Variants in CACNA1C observed in about 807,000 individuals in gnomAD.
CACNA1C encodes the protein voltage-dependent L-type calcium channel subunit alpha-1C.
In CACNA1C, 30 loss-of-function variants were observed where a neutral mutation model predicts 229.0. The ratio of observed to expected loss-of-function variants is 0.13; its 90% CI spans 0.10 to 0.18. CACNA1C has a LOEUF of 0.18. CACNA1C is among the 10% of genes least tolerant of loss of function. CACNA1C has a pLI of 1.00. For missense variants in CACNA1C, 1,658 were observed against 2,845.0 expected (o/e 0.58, Z 9.49); for synonymous variants, 1,114 against 1,132.5 (o/e 0.98, Z 0.33).
In CACNA1C at chr12:2,321,741, G is replaced by T. The variant is rs2096009570; in HGVS notation, c.478-127235G>T. On this transcript the variant is annotated intron_variant, in intron 3 of 46. Transcript: ENST00000399655. ...ACATTTGAGCCGAGACTTGAATGAG[G>T]ATGAAGTCCTAGCCATGTGAAGATC... Among the ~76,000 whole-genome samples, 2 of 152,204 alleles carry T rather than the reference G, an allele frequency of 1.3e-5. 1 individual carries two copies. The highest frequency in any genetic ancestry group is 4.1e-4 in the South Asian group (2 of 4,832).
At chr12:2,526,044 G>C (rs1321095005) in intron 9 of CACNA1C, among the ~76,000 whole-genome samples, 2 of 152,192 alleles carry the variant, frequency 1.3e-5, no homozygotes, top group African/African-American at 4.8e-5. Flanking sequence ...GTTAGGCTGG[G>C]GTGAGGGTCA....
At chr12:2,238,627 T>C (rs2068488365) in intron 3 of CACNA1C, among the ~76,000 whole-genome samples, 1 of 152,222 alleles carries the variant, frequency 6.6e-6, no homozygotes, top group Non-Finnish European at 1.5e-5. Flanking sequence ...AAGTGCCCTC[T>C]GAGAAGAGGA....
chr12:2,489,228 TC>T (rs2099708441), intron 6 of CACNA1C, among the ~76,000 whole-genome samples: 3 of 152,222 alleles, frequency 2.0e-5, no homozygotes, highest in Admixed American at 6.5e-5. Flanking sequence ...GAGATTTACA[TC>T]AAATTCTTTT....
At chr12:2,096,964 T>C (rs1409138757) in intron 1 of CACNA1C, among the ~76,000 whole-genome samples, 1 of 152,222 alleles carries the variant, frequency 6.6e-6, no homozygotes, top group Non-Finnish European at 1.5e-5. Flanking sequence ...CACACTATGT[T>C]TGCCCATCCA....
chr12:2,419,989 G>A (rs971310328), intron 3 of CACNA1C, among the ~76,000 whole-genome samples: 9 of 152,124 alleles, frequency 5.9e-5, no homozygotes, highest in African/African-American at 1.7e-4. Context: ...TGCACTTTCA[G>A]CCTTGCTCTG....
intron 1 of CACNA1C, among the ~76,000 whole-genome samples, chr12:2,106,619 G>A (rs1481612975): frequency 2.8e-5 from 3 of 105,794 alleles, no homozygotes; most frequent in Non-Finnish European, 6.2e-5. Context: ...CCTCAGCTGG[G>A]CATCCTGAAG....
chr12:2,565,275 T>C (rs990121873), intron 11 of CACNA1C, among the ~76,000 whole-genome samples: 5 of 151,538 alleles, frequency 3.3e-5, no homozygotes, highest in African/African-American at 9.7e-5. Flanking sequence ...GAGACCATCC[T>C]GGCTAACAAG....
rs571691642 is a variant in CACNA1C at position 2,040,537 on chromosome 12, C to T, written c.139+69336C>T. Among the ~76,000 whole-genome samples, 19 of 152,276 alleles carry T rather than the reference C, an allele frequency of 1.2e-4. No individual in the cohort carries two copies. In the South Asian group the frequency reaches 2.1e-3, roughly 17 times the overall value. On this transcript the variant is annotated intron_variant, in intron 1 of 46. Transcript: ENST00000682462. ...GGTAGGCTGGGTGATGTGGAGATGT[C>T]GAATACCTTGACTTTCACTTCTGAA... is the stretch of plus-strand genomic sequence containing the variant.
In CACNA1C at chr12:2,679,597, G is replaced by A. The variant is rs1556109769; in HGVS notation, c.5245G>A (p.Val1749Met). 1.5e-5 allele frequency: 25 copies of A among 1,613,786 alleles called. No homozygotes were observed. The highest frequency in any genetic ancestry group is 2.1e-5 in the Non-Finnish European group (25 of 1,179,808). Residue 1749 changes from valine to methionine, a missense_variant, in exon 42 of 47, where the codon GTG (valine) becomes ATG (methionine). Around this residue, in one of 20 missense-constraint regions of CACNA1C, gnomAD observed 590 missense variants for 700.8 expected, o/e 0.84. Coordinates refer to ENST00000399655, the MANE Select transcript of CACNA1C (RefSeq NM_000719.7). The surrounding 1 kb of genome is among the most constrained non-coding windows in gnomAD (Gnocchi z 5.5). ...TGAGTCGCCATCCCACGAGAAGCTG[G>A]TGGACTCCACCTTCACCCCGAGCAG... ...DTESPSHEKL[V>M]DSTFTPSSYS...
rs2075059476 is a variant in CACNA1C, at chr12:2,605,840, TG to T, written c.3156+58del. On this transcript the variant is annotated intron_variant, in intron 24 of 46. Transcript: ENST00000399655. This position sits in a 1 kb window ranked among gnomAD's most constrained non-coding sequence, Gnocchi z 6.2. ...CTACCTCCCCTCCCATCAGCATTCCTGGGGAAGGGAACTGGCAGATATAGTA... is the reference window on the plus strand; with the variant it reads ...CTACCTCCCCTCCCATCAGCATTCCTGGGAAGGGAACTGGCAGATATAGTA... The T allele has an allele frequency of 8.2e-7, 1 of 1,214,844 alleles. No individual in the cohort carries two copies. Among genetic ancestry groups the T allele is most frequent in the South Asian group, 1.2e-5 (1 of 83,156 alleles). 75.3% of individuals were successfully genotyped at this position (1,214,844 alleles called of 1,614,324 possible). A position where few individuals can be genotyped will look rare whatever the true frequency, so the allele number is the denominator to read the frequency against.
chr12:2,038,402 C>A (rs970969095), intron 1 of CACNA1C, among the ~76,000 whole-genome samples: 4 of 152,202 alleles, frequency 2.6e-5, no homozygotes, highest in African/African-American at 9.7e-5. Flanking sequence ...ATGTAACAGA[C>A]TGGACCCCCA....
At chr12:2,096,035 G>A (rs1230836951) in intron 1 of CACNA1C, among the ~76,000 whole-genome samples, 1 of 152,180 alleles carries the variant, frequency 6.6e-6, no homozygotes, top group Non-Finnish European at 1.5e-5. Context: ...CCACAGAGAT[G>A]AGCACGTCAT....
At chr12:2,088,777 G>C (rs1032088979) in intron 1 of CACNA1C, among the ~76,000 whole-genome samples, 1 of 152,078 alleles carries the variant, frequency 6.6e-6, no homozygotes, top group Non-Finnish European at 1.5e-5. Flanking sequence ...GGTGGGCTCA[G>C]CTTACGTTAA....
intron 3 of CACNA1C, among the ~76,000 whole-genome samples, chr12:2,264,201 GT>G (rs2081419742): frequency 6.6e-6 from 1 of 152,216 alleles, no homozygotes; most frequent in South Asian, 2.1e-4. Context: ...GGACTCTCCT[GT>G]ATAGTGATGC....
chr12:2,211,714 C>CTTTTTT (rs5795996), intron 3 of CACNA1C, among the ~76,000 whole-genome samples: 4 of 115,510 alleles, frequency 3.5e-5, no homozygotes, highest in Admixed American at 8.9e-5. Context: ...CTTTCTGCTG[C>CTTTTTT]TTTTTTTTTT....
At position 2,135,726 on chromosome 12, in the gene CACNA1C, C is replaced by T. The variant is rs1176432924; in HGVS notation, c.477+15296C>T. 1.4e-4 allele frequency among the ~76,000 whole-genome samples: 21 copies of T among 146,300 alleles called. 1 individual carries two copies. The highest frequency in any genetic ancestry group is 5.1e-4 in the African/African-American group (19 of 37,472). Reference sequence around the variant, plus strand: ...TCTCTTCAAAGCTGTCAGACAGGGACATTTAAGTCTGCAGAAGTTACTGCT... The same window carrying T: ...TCTCTTCAAAGCTGTCAGACAGGGATATTTAAGTCTGCAGAAGTTACTGCT... On this transcript the variant is annotated intron_variant, in intron 3 of 46. Transcript: ENST00000399655.
intron 30 of CACNA1C, among the ~76,000 whole-genome samples, chr12:2,644,693 G>A (rs1407932940): frequency 6.6e-6 from 1 of 152,016 alleles, no homozygotes; most frequent in Non-Finnish European, 1.5e-5. Context: ...GCCTAGACCT[G>A]GCACTCCAAT....
intron 3 of CACNA1C, among the ~76,000 whole-genome samples, chr12:2,200,115 A>G (rs1309155533): frequency 6.6e-6 from 1 of 152,172 alleles, no homozygotes; most frequent in Non-Finnish European, 1.5e-5. Flanking sequence ...ACAAAAATTT[A>G]TTATAAGGAT....
At chr12:2,618,435 A>G (rs756282341) in intron 29 of CACNA1C, among the ~76,000 whole-genome samples, 1 of 152,256 alleles carries the variant, frequency 6.6e-6, no homozygotes, top group African/African-American at 2.4e-5. Context: ...CCACAGGAGA[A>G]GAGAGTGCAT....
Sources: allele counts gnomAD v4.1 joint callset (sites outside exome capture counted in the v4.1 genomes callset), GRCh38; gene constraint gnomAD v4.1.1; regional missense constraint gnomAD v4.1.1; non-coding constraint Gnocchi (gnomAD v3.1); transcripts MANE v1.5; gene names NCBI Gene and HGNC (gene_info 2026-07-23, HGNC 2026-07-21).